LUZP2: variants seen among roughly 807,000 people sequenced by gnomAD.
LUZP2 encodes leucine zipper protein 2.
Under a neutral mutation model 51.6 loss-of-function variants are expected in LUZP2, and 52 were observed. The observed-to-expected ratio is 1.01, with a 90% confidence interval of 0.81 to 1.27. LUZP2 has a LOEUF of 1.27. Among genes scored for constraint, LUZP2 ranks in the 50% most tolerant of loss-of-function variants. LUZP2 has a pLI of 0.00. For missense variants in LUZP2, 436 were observed against 395.4 expected (o/e 1.10, Z -0.87); for synonymous variants, 154 against 137.3 (o/e 1.12, Z -0.85).
At position 24,570,581 on chromosome 11, in the gene LUZP2, A is replaced by G. The variant is rs138542773; in HGVS notation, c.62+73276A>G. 8.5e-3 allele frequency among the ~76,000 whole-genome samples: 1,293 copies of G among 152,176 alleles called. 20 individuals are homozygous for G. The highest frequency in any genetic ancestry group is 0.03 in the African/African-American group (1,237 of 41,552). On this transcript the variant is annotated intron_variant, in intron 1 of 11. Coordinates refer to ENST00000336930, the MANE Select transcript of LUZP2 (RefSeq NM_001009909.4). ...CATTTCAACACACTGGGGCATGTCC[A>G]GAAGAGAGTGAGCAGAATTAGTCAT...
chr11:24,710,755 A>G (rs1274603667), intron 1 of LUZP2, among the ~76,000 whole-genome samples: 1 of 146,646 alleles, frequency 6.8e-6, no homozygotes, highest in Non-Finnish European at 1.5e-5. Context: ...GTGTAAATTT[A>G]TCACATTTTT....
intron 5 of LUZP2, among the ~76,000 whole-genome samples, chr11:24,803,594 G>A (rs1849760130): frequency 1.3e-5 from 2 of 152,092 alleles, no homozygotes; most frequent in Admixed American, 1.3e-4. Context: ...TCCATTGACA[G>A]ATGAATAGAT....
At chr11:25,064,568 C>T (rs1417490232) in intron 10 of LUZP2, among the ~76,000 whole-genome samples, 1 of 152,048 alleles carries the variant, frequency 6.6e-6, no homozygotes, top group Non-Finnish European at 1.5e-5. Flanking sequence ...AATTAGCATA[C>T]CTACTCTATT....
chr11:24,956,332 A>G (rs1855208470), intron 7 of LUZP2, among the ~76,000 whole-genome samples: 1 of 152,086 alleles, frequency 6.6e-6, no homozygotes, highest in South Asian at 2.1e-4. Context: ...AGAAGGAACC[A>G]GGATTGCTGA....
At chr11:24,869,496 G>A (rs1035666466) in intron 5 of LUZP2, among the ~76,000 whole-genome samples, 5 of 151,630 alleles carry the variant, frequency 3.3e-5, no homozygotes, top group South Asian at 2.1e-4. Context: ...TCCCTCTGTC[G>A]CCGAGGCTGG....
intron 4 of LUZP2, among the ~76,000 whole-genome samples, chr11:24,750,850 A>T (rs543596909): frequency 1.3e-5 from 2 of 152,300 alleles, no homozygotes; most frequent in African/African-American, 4.8e-5. Context: ...GATAAGTGAC[A>T]TATACTAATC....
chr11:25,010,652 C>T (rs1856956113), intron 9 of LUZP2, among the ~76,000 whole-genome samples: 1 of 151,380 alleles, frequency 6.6e-6, no homozygotes, highest in Non-Finnish European at 1.5e-5. Context: ...AGTTCAAGAC[C>T]TGCTTTGCCA....
At chr11:24,676,891 T>C (rs1856574174) in intron 1 of LUZP2, among the ~76,000 whole-genome samples, 1 of 152,148 alleles carries the variant, frequency 6.6e-6, no homozygotes, top group Non-Finnish European at 1.5e-5. Flanking sequence ...GGTTTCGAAC[T>C]CCTGAACTCA....
intron 1 of LUZP2, among the ~76,000 whole-genome samples, chr11:24,685,112 G>T (rs1856860146): frequency 6.6e-6 from 1 of 150,556 alleles, no homozygotes; most frequent in African/African-American, 2.4e-5. Context: ...CTAATTGTTG[G>T]GTCACTAATT....
Position 24,738,344 on chromosome 11 carries a change from G to A in LUZP2, c.333+42G>A, listed in dbSNP as rs771092289. ...TTTGTGCCTTTTGCTTTTGGGCTGG[G>A]ACATTGTTACTTTCTTTTTCCAAAA... On this transcript the variant is annotated intron_variant, in intron 4 of 11. Transcript: ENST00000336930. The A allele has an allele frequency of 1.1e-5, 16 of 1,413,138 alleles. No homozygotes were observed. In the African/African-American group the frequency reaches 1.7e-4, roughly 15 times the overall value. The allele number at this position is 1,413,138 out of a possible 1,614,324, so 87.5% of individuals were successfully genotyped here.
chr11:24,874,158 T>G (rs1430626238), intron 5 of LUZP2, among the ~76,000 whole-genome samples: 1 of 152,192 alleles, frequency 6.6e-6, no homozygotes, highest in Non-Finnish European at 1.5e-5. Flanking sequence ...TGAAGGTTTT[T>G]GGGCCACATG....
chr11:24,976,096 G>GT (rs1261497823), intron 7 of LUZP2, among the ~76,000 whole-genome samples: 4 of 151,804 alleles, frequency 2.6e-5, no homozygotes, highest in African/African-American at 4.8e-5. Flanking sequence ...TATCTCTGTT[G>GT]TTTTTTTCCT....
At chr11:24,514,132 T>A (rs976833420) in intron 1 of LUZP2, among the ~76,000 whole-genome samples, 1 of 152,182 alleles carries the variant, frequency 6.6e-6, no homozygotes, top group Non-Finnish European at 1.5e-5. Context: ...TCCCTGGCAT[T>A]CAGCAAGGGG....
At chr11:24,839,104 C>A (rs980935647) in intron 5 of LUZP2, among the ~76,000 whole-genome samples, 1 of 151,610 alleles carries the variant, frequency 6.6e-6, no homozygotes, top group Non-Finnish European at 1.5e-5. Context: ...TACTCATGAG[C>A]ATTTTTCCCA....
chr11:24,739,983 G>A (rs1475627660), intron 4 of LUZP2, among the ~76,000 whole-genome samples: 5 of 151,986 alleles, frequency 3.3e-5, no homozygotes, highest in Non-Finnish European at 7.4e-5. Context: ...TCAGCTTGTC[G>A]ATCCCTCCTC....
At chr11:24,803,212 A>G (rs1849744722) in intron 5 of LUZP2, among the ~76,000 whole-genome samples, 1 of 152,092 alleles carries the variant, frequency 6.6e-6, no homozygotes, top group South Asian at 2.1e-4. Context: ...AAAGACATGA[A>G]TTGATATTTC....
intron 1 of LUZP2, among the ~76,000 whole-genome samples, chr11:24,512,944 G>A (rs1375334031): frequency 6.6e-6 from 1 of 152,038 alleles, no homozygotes; most frequent in Non-Finnish European, 1.5e-5. Context: ...TTTTATTAGA[G>A]ACTGGGTTTC....
rs767501769 is a variant in LUZP2 at position 24,732,197 on chromosome 11, T to C, written c.251+9T>C. On this transcript the variant is annotated intron_variant, in intron 3 of 11. Transcript: ENST00000336930. ...TTAGGACAGAAACAAAGGTAAGACT[T>C]TTCTTTTTTTCTTAGTTATTTCTGC... 6.3e-7 allele frequency: 1 copy of C among 1,585,466 alleles called. No homozygotes were observed. Among genetic ancestry groups the C allele is most frequent in the Non-Finnish European group, 8.6e-7 (1 of 1,164,010 alleles).
intron 1 of LUZP2, among the ~76,000 whole-genome samples, chr11:24,555,722 T>A (rs1031975136): frequency 6.6e-6 from 1 of 152,192 alleles, no homozygotes; most frequent in African/African-American, 2.4e-5. Flanking sequence ...ATGCCTGTAA[T>A]CCCAGCATGT....
Sources: allele counts gnomAD v4.1 joint callset (sites outside exome capture counted in the v4.1 genomes callset), GRCh38; gene constraint gnomAD v4.1.1; transcripts MANE v1.5; gene names NCBI Gene and HGNC (gene_info 2026-07-23, HGNC 2026-07-21).